The following NCOA2 variants were observed in gnomAD, a reference collection of about 807,000 sequenced individuals.
NCOA2 encodes the protein nuclear receptor coactivator 2, also known as class E basic helix-loop-helix protein 75.
Under a neutral mutation model 145.1 loss-of-function variants are expected in NCOA2, and 21 were observed. That is an observed-to-expected ratio of 0.14 (90% confidence interval 0.10 to 0.21). The LOEUF (loss-of-function observed/expected upper bound fraction) is 0.21, where lower values mean the gene tolerates loss of function less well. Ranked by LOEUF, NCOA2 falls within the 10% of genes least tolerant of loss-of-function variation. The pLI is 1.00. For missense variants in NCOA2, 1,472 were observed against 1,837.6 expected, an observed-to-expected ratio of 0.80 and a Z score of 3.64; for synonymous variants, 619 against 637.5, an observed-to-expected ratio of 0.97 and a Z score of 0.44.
intron 4 of NCOA2, among the ~76,000 whole-genome samples, chr8:70,186,455 T>A (rs1816078467): frequency 6.6e-6 from 1 of 152,168 alleles, no homozygotes; most frequent in South Asian, 2.1e-4. Flanking sequence ...AGATCAGGGC[T>A]GACTGCAGAG....
chr8:70,450,951 T>C, the NCOA2 span, among the ~76,000 whole-genome samples: 2 of 150,076 alleles, frequency 1.3e-5, no homozygotes, highest in East Asian at 2.0e-4. Context: ...GCACAGTGGC[T>C]CATGCCTGTA....
chr8:70,171,192 T>C (rs1462935051), intron 5 of NCOA2, among the ~76,000 whole-genome samples: 1 of 152,214 alleles, frequency 6.6e-6, no homozygotes, highest in African/African-American at 2.4e-5. Flanking sequence ...ATAAAGAATC[T>C]AGGATCATTT....
chr8:70,193,422 A>G (rs566559425), intron 4 of NCOA2, among the ~76,000 whole-genome samples: 52 of 152,060 alleles, frequency 3.4e-4, no homozygotes, highest in East Asian at 1.5e-3. Flanking sequence ...GAAGTGAGGG[A>G]AAAAAAAGAC....
chr8:70,212,066 CAT>C (rs36215324), intron 4 of NCOA2, among the ~76,000 whole-genome samples: 8,625 of 143,998 alleles, frequency 0.06, 318 homozygotes, highest in East Asian at 0.15. Flanking sequence ...CTTTGTGGCG[CAT>C]ATATATATAT....
intron 9 of NCOA2, among the ~76,000 whole-genome samples, chr8:70,160,607 C>T (rs189057013): frequency 3.4e-5 from 5 of 148,342 alleles, no homozygotes; most frequent in Non-Finnish European, 7.4e-5. Flanking sequence ...ATAGTTACCC[C>T]TAAAGCAACC....
At chr8:70,298,154 A>AT (rs1186042904) in intron 1 of NCOA2, among the ~76,000 whole-genome samples, 1 of 152,236 alleles carries the variant, frequency 6.6e-6, no homozygotes, top group Non-Finnish European at 1.5e-5. Context: ...AACATTACTA[A>AT]TTCCTTTAAG....
intron 1 of NCOA2, among the ~76,000 whole-genome samples, chr8:70,358,437 T>C (rs1303453888): frequency 6.6e-6 from 1 of 152,210 alleles, no homozygotes; most frequent in African/African-American, 2.4e-5. Context: ...CGGAATTTAA[T>C]GCAGAGTCCA....
the NCOA2 span, among the ~76,000 whole-genome samples, chr8:70,451,963 G>A: frequency 6.7e-6 from 1 of 149,808 alleles, no homozygotes; most frequent in Admixed American, 6.6e-5. Context: ...TAAGGTGTTT[G>A]TTTGTTTGTT....
At chr8:70,404,347 A>T (rs1814662762), upstream of NCOA2, among the ~76,000 whole-genome samples, 1 of 152,214 alleles carries the variant, frequency 6.6e-6, no homozygotes, top group Non-Finnish European at 1.5e-5. Context: ...TGCAGACGGC[A>T]GGGACGGTGC....
At chr8:70,214,848 G>A (rs1819430926) in intron 3 of NCOA2, among the ~76,000 whole-genome samples, 1 of 152,106 alleles carries the variant, frequency 6.6e-6, no homozygotes, top group South Asian at 2.1e-4. Flanking sequence ...AGTGCAAAGG[G>A]GGGCCCATTA....
chr8:70,372,816 T>C (rs1811339338), intron 1 of NCOA2, among the ~76,000 whole-genome samples: 1 of 152,190 alleles, frequency 6.6e-6, no homozygotes, highest in South Asian at 2.1e-4. Flanking sequence ...GCCTGATTTC[T>C]ACCACTACAG....
intron 1 of NCOA2, among the ~76,000 whole-genome samples, chr8:70,329,822 G>C (rs1201906189): frequency 1.3e-5 from 2 of 152,180 alleles, no homozygotes; most frequent in Admixed American, 1.3e-4. Flanking sequence ...ACACAAAAAA[G>C]TACGTCTTAT....
At chr8:70,268,654 CT>C (rs1296047391) in intron 2 of NCOA2, among the ~76,000 whole-genome samples, 1 of 152,194 alleles carries the variant, frequency 6.6e-6, no homozygotes, top group East Asian at 1.9e-4. Context: ...AAAAAAATTA[CT>C]AATATTTTTA....
At chr8:70,167,627 T>C (rs1461610854) in intron 6 of NCOA2, among the ~76,000 whole-genome samples, 1 of 152,254 alleles carries the variant, frequency 6.6e-6, no homozygotes. Flanking sequence ...TTCATGTACA[T>C]TTCTTCAATA....
chr8:70,357,616 C>T (rs1397292690), intron 1 of NCOA2, among the ~76,000 whole-genome samples: 2 of 152,122 alleles, frequency 1.3e-5, no homozygotes, highest in Non-Finnish European at 2.9e-5. Context: ...TGGTGGGCAC[C>T]TGTAGTCCCA....
At chr8:70,336,032 C>G (rs1235108128) in intron 1 of NCOA2, among the ~76,000 whole-genome samples, 1 of 152,106 alleles carries the variant, frequency 6.6e-6, no homozygotes, top group African/African-American at 2.4e-5. Flanking sequence ...AGGGCTCTTG[C>G]AATGAATGGA....
intron 2 of NCOA2, among the ~76,000 whole-genome samples, chr8:70,219,784 T>C (rs1819984624): frequency 1.3e-5 from 2 of 152,108 alleles, no homozygotes. Flanking sequence ...ACCTCATGAA[T>C]GAGGTGCTCT....
intron 1 of NCOA2, among the ~76,000 whole-genome samples, chr8:70,330,216 A>AATG (rs57235614): frequency 0.12 from 17,552 of 150,834 alleles, 1,654 homozygotes; most frequent in African/African-American, 0.26. Flanking sequence ...TGATGATGAT[A>AATG]ATGATGATGA....
chr8:70,132,073 A>C, intron 15 of NCOA2, 71 bp from the exon 16 acceptor site: 76 of 1,455,148 alleles, frequency 5.2e-5, no homozygotes, highest in Non-Finnish European at 6.5e-5. Context: ...TCTTTATCTC[A>C]AAGGTGAAAG....
Sources: gnomAD v4.1 joint callset for allele counts (sites outside exome capture counted in the v4.1 genomes callset) on GRCh38, gnomAD v4.1.1 for gene constraint, MANE v1.5 for transcripts, NCBI Gene and HGNC (gene_info 2026-07-23, HGNC 2026-07-21) for gene names.